Variants in RCOR3 observed in about 807,000 individuals in gnomAD.
The protein encoded by RCOR3 is REST corepressor 3.
In RCOR3, 13 loss-of-function variants were observed where a neutral mutation model predicts 64.1. The observed-to-expected ratio is 0.20, with a 90% CI of 0.13 to 0.32. The LOEUF is 0.32. Ranked by LOEUF, RCOR3 falls within the 10% of genes least tolerant of loss-of-function variation. RCOR3 has a pLI of 1.00. For missense variants in RCOR3, 489 were observed against 701.2 expected, an observed-to-expected ratio of 0.70 and a Z score of 3.42; for synonymous variants, 215 against 239.0, an observed-to-expected ratio of 0.90 and a Z score of 0.93.
chr1:211,261,467 A>C (rs1040924625), intron 2 of RCOR3, among the ~76,000 whole-genome samples: 5 of 152,206 alleles, frequency 3.3e-5, no homozygotes, highest in African/African-American at 1.2e-4. Context: ...ATTTTATTCA[A>C]AGACTATCAG....
At chr1:211,295,578 T>G in intron 8 of RCOR3, 98 bp from the exon 9 acceptor site, 1 of 977,446 alleles carries the variant, frequency 1.0e-6, no homozygotes, top group South Asian at 1.4e-5. Context: ...AAATAAAATT[T>G]AAGAGGGGTT....
intron 2 of RCOR3, among the ~76,000 whole-genome samples, chr1:211,265,627 G>A (rs896118769): frequency 1.3e-5 from 2 of 152,172 alleles, no homozygotes; most frequent in African/African-American, 4.8e-5. Flanking sequence ...GCTGAGGCAG[G>A]AGAATTGCTT....
chr1:211,300,989 G>A (rs1571978855), intron 9 of RCOR3, among the ~76,000 whole-genome samples: 1 of 152,032 alleles, frequency 6.6e-6, no homozygotes, highest in South Asian at 2.1e-4. Flanking sequence ...CGAAAAACTA[G>A]TGGTCCACTC....
At chr1:211,279,690 T>C (rs1444736604) in intron 7 of RCOR3, among the ~76,000 whole-genome samples, 4 of 152,250 alleles carry the variant, frequency 2.6e-5, no homozygotes, top group African/African-American at 9.6e-5. Flanking sequence ...TTACTGATTT[T>C]CTTTCTACTG....
intron 5 of RCOR3, among the ~76,000 whole-genome samples, chr1:211,277,877 C>A (rs1697235391): frequency 6.6e-6 from 1 of 152,094 alleles, no homozygotes; most frequent in South Asian, 2.1e-4. Flanking sequence ...GACATTCTCA[C>A]CAGATTAGTT....
intron 9 of RCOR3, among the ~76,000 whole-genome samples, chr1:211,297,757 A>G (rs1435046691): frequency 1.3e-5 from 2 of 152,182 alleles, no homozygotes; most frequent in African/African-American, 4.8e-5. Context: ...TATATTTGTC[A>G]TATTGTTCTT....
intron 9 of RCOR3, among the ~76,000 whole-genome samples, chr1:211,298,240 A>G (rs1279521866): frequency 1.3e-5 from 2 of 152,244 alleles, no homozygotes; most frequent in Non-Finnish European, 2.9e-5. Context: ...AGCAAAGTAT[A>G]CAGGGAAACA....
chr1:211,294,105 A>G (rs1699569520), intron 8 of RCOR3, among the ~76,000 whole-genome samples: 1 of 152,208 alleles, frequency 6.6e-6, no homozygotes, highest in African/African-American at 2.4e-5. Flanking sequence ...TGCAGTTAAT[A>G]TACTCTGGAA....
chr1:211,299,415 G>T (rs138054494), intron 9 of RCOR3, among the ~76,000 whole-genome samples: 38 of 152,306 alleles, frequency 2.5e-4, no homozygotes, highest in African/African-American at 8.2e-4. Flanking sequence ...CCAGAAGGAA[G>T]AATAAGTGTA....
intron 9 of RCOR3, among the ~76,000 whole-genome samples, chr1:211,297,962 A>C (rs887754115): frequency 6.6e-6 from 1 of 152,252 alleles, no homozygotes; most frequent in Non-Finnish European, 1.5e-5. Context: ...AGCTGTTAGT[A>C]AAGTGCTTTA....
chr1:211,277,997 C>T, intron 5 of RCOR3, 120 bp from the exon 6 acceptor site: 1 of 853,496 alleles, frequency 1.2e-6, no homozygotes, highest in Non-Finnish European at 1.8e-6. Flanking sequence ...CTCTATAATT[C>T]ATAAAGGTAC....
intron 8 of RCOR3, among the ~76,000 whole-genome samples, chr1:211,293,086 A>AATATAAAT (rs1699432475): frequency 7.0e-6 from 1 of 142,966 alleles, no homozygotes; most frequent in Non-Finnish European, 1.5e-5. Flanking sequence ...TCTGTCTCCA[A>AATATAAAT]AAATAAATAA....
In RCOR3 at chr1:211,313,203, T is replaced by G; in HGVS notation, c.1318-221T>G. Reference sequence around the variant, plus strand: ...CTTATTTTTATTTTCAGTGTTAAGCTGTTTACAAATAAAGATGCCTGTTTG... The same window carrying G: ...CTTATTTTTATTTTCAGTGTTAAGCGGTTTACAAATAAAGATGCCTGTTTG... On this transcript the variant is annotated intron_variant, in intron 11 of 11. Coordinates refer to ENST00000419091, the MANE Select transcript of RCOR3 (RefSeq NM_001136223.3). This position sits in a 1 kb window ranked among gnomAD's most constrained non-coding sequence, Gnocchi z 4.7. The G allele has an allele frequency of 7.0e-7, 1 of 1,431,414 alleles. No individual in the cohort carries two copies. The allele number at this position is 1,431,414 out of a possible 1,614,324, so 88.7% of individuals were successfully genotyped here.
In RCOR3 at chr1:211,279,229, T is replaced by G; in HGVS notation, c.642-9T>G. ...GGAATTAAGTGTACTAATTTTTGTTTCTTCTCAGTGATGATGATGTAGAAG... is the reference window on the plus strand; with the variant it reads ...GGAATTAAGTGTACTAATTTTTGTTGCTTCTCAGTGATGATGATGTAGAAG... On this transcript the variant is annotated splice_polypyrimidine_tract_variant and intron_variant, in intron 6 of 11. Transcript: ENST00000419091. The G allele has an allele frequency of 6.3e-7, 1 of 1,576,504 alleles. No individual in the cohort carries two copies. The highest frequency in any genetic ancestry group is 8.6e-7 in the Non-Finnish European group (1 of 1,162,164).
chr1:211,266,954 A>G (rs971040476), intron 2 of RCOR3, among the ~76,000 whole-genome samples: 83 of 152,326 alleles, frequency 5.4e-4, no homozygotes, highest in African/African-American at 1.9e-3. Context: ...GAGAGAGGAC[A>G]TCAGCCGTTT....
In RCOR3 at chr1:211,278,234, G is replaced by T; in HGVS notation, c.634G>T (p.Gly212Cys). 1 of 1,613,502 alleles carries T rather than the reference G, an allele frequency of 6.2e-7. No individual in the cohort carries two copies. Among genetic ancestry groups the T allele is most frequent in the Non-Finnish European group, 8.5e-7 (1 of 1,179,758 alleles). ...TAAACTAGCTAATAGACATAATCAG[G>T]GTGACAGGTAGGTTGGTTACCTTCA... is the stretch of plus-strand genomic sequence containing the variant. The part of the protein sequence containing the change: ...ARKLANRHNQ[G>C]DSDDDVEETH... Residue 212 changes from glycine to cysteine, a missense_variant, in exon 6 of 12, where the codon GGT becomes TGT. This residue lies in a region of RCOR3 where 402 missense variants were observed against 617.0 expected (regional missense o/e 0.65). Transcript: ENST00000419091.
At chr1:211,274,331 A>G in intron 4 of RCOR3, 69 bp downstream of exon 4, 2 of 1,136,984 alleles carry the variant, frequency 1.8e-6, no homozygotes, top group Non-Finnish European at 2.6e-6. Context: ...ATCTCATGAT[A>G]GTTTCTGTCC....
At chr1:211,282,836 A>C (rs1157658558) in intron 7 of RCOR3, among the ~76,000 whole-genome samples, 1 of 152,072 alleles carries the variant, frequency 6.6e-6, no homozygotes. Context: ...AGAGGGAACC[A>C]CTATAATGAA....
Position 211,286,075 on chromosome 1 carries a change from T to A in RCOR3, c.721-3103T>A, listed in dbSNP as rs545851737. Reference sequence around the variant, plus strand: ...CCTCACATGTTAAGTATGTGTCTTATAAGGAGCATACAGCTGGGCGTATGT... The same window carrying A: ...CCTCACATGTTAAGTATGTGTCTTAAAAGGAGCATACAGCTGGGCGTATGT... On this transcript the variant is annotated intron_variant, in intron 7 of 11. Transcript: ENST00000419091. Among the ~76,000 whole-genome samples, 4 of 152,192 alleles carry A rather than the reference T, an allele frequency of 2.6e-5. No homozygotes were observed. The South Asian group carries it at 6.2e-4, about 24-fold the overall frequency.
Sources: allele counts gnomAD v4.1 joint callset (sites outside exome capture counted in the v4.1 genomes callset), GRCh38; gene constraint gnomAD v4.1.1; regional missense constraint gnomAD v4.1.1; non-coding constraint Gnocchi (gnomAD v3.1); transcripts MANE v1.5; gene names NCBI Gene and HGNC (gene_info 2026-07-23, HGNC 2026-07-21).